Variants in TTN observed in about 807,000 individuals in gnomAD.
TTN encodes the protein connectin.
A neutral mutation model predicts 3,223.0 loss-of-function variants in TTN; 1,525 were observed. That is an observed-to-expected ratio of 0.47 (90% CI 0.45 to 0.49). TTN has a LOEUF of 0.49. Ranked by LOEUF, TTN falls within the 20% of genes least tolerant of loss-of-function variation. The pLI is 0.00. For missense variants in TTN, 40,786 were observed against 43,424.0 expected (o/e 0.94, Z 5.40); for synonymous variants, 14,094 against 15,161.0 (o/e 0.93, Z 5.17).
At chr2:178,797,489 T>C (rs1162791879) in intron 6 of TTN, among the ~76,000 whole-genome samples, 1 of 152,192 alleles carries the variant, frequency 6.6e-6, no homozygotes, top group East Asian at 1.9e-4. Context: ...TGGATGATTT[T>C]TAATGCATTT....
Position 178,728,703 on chromosome 2 carries a change from A to G in TTN, c.19223T>C (p.Val6408Ala). ...CACTTTGAGTTCTGGTGTTCCAGCC[A>G]CAACACATTCCAAGGTCATGGGATC... ...EKDPMTLECV[V>A]AGTPELKVKW... Residue 6408 changes from valine (V) to alanine (A), a missense_variant, in exon 66 of 363, where the codon GTG becomes GCG. By Grantham distance (64) the Val-to-Ala change is moderately conservative. Coordinates refer to ENST00000589042, the MANE Select transcript of TTN (RefSeq NM_001267550.2). 1 of 1,613,204 alleles carries G rather than the reference A, an allele frequency of 6.2e-7. No homozygotes were observed. The highest frequency in any genetic ancestry group is 1.1e-5 in the South Asian group (1 of 91,056).
At chr2:178,652,972 A>G in intron 199 of TTN, 41 bp from the exon 200 acceptor site, 1 of 1,604,084 alleles carries the variant, frequency 6.2e-7, no homozygotes, top group Non-Finnish European at 8.5e-7. Context: ...AAGTTTGAAG[A>G]CCACTAGAAA....
Position 178,537,870 on chromosome 2 carries a change from T to C in TTN, c.99337A>G (p.Lys33113Glu). 6.2e-7 allele frequency: 1 copy of C among 1,613,386 alleles called. No individual in the cohort carries two copies. Residue 33113 changes from lysine (K) to glutamate (E), a missense_variant, in exon 355 of 363, where the codon AAA (lysine) becomes GAA (glutamate). Lys to Glu is a moderately conservative substitution (Grantham distance 56). Transcript: ENST00000589042. ...IRKEMKDVTTKLGEAAQLSCQ... is the reference protein window; with the variant it reads ...IRKEMKDVTTELGEAAQLSCQ... Reference sequence around the variant, plus strand: ...GAGAGTTGAGCAGCTTCACCCAATTTTGTGGTAACATCCTTCATTTCTTTG... The same window carrying C: ...GAGAGTTGAGCAGCTTCACCCAATTCTGTGGTAACATCCTTCATTTCTTTG...
Position 178,564,353 on chromosome 2 carries a change from C to G in TTN, c.81779G>C (p.Ser27260Thr), listed in dbSNP as rs752173731. 1.2e-6 allele frequency: 2 copies of G among 1,613,744 alleles called. No homozygotes were observed. Among genetic ancestry groups the G allele is most frequent in the Admixed American group, 3.3e-5 (2 of 59,992 alleles). Residue 27260 changes from serine (S) to threonine (T), a missense_variant, in exon 326 of 363, where the codon AGT becomes ACT. Coordinates refer to ENST00000589042, the MANE Select transcript of TTN (RefSeq NM_001267550.2). Reference sequence around the variant, plus strand: ...ATCTCTTGCAGTAATGGCACCACTACTATCAGATGGTTCACTAAAGTTTCC... The same window carrying G: ...ATCTCTTGCAGTAATGGCACCACTAGTATCAGATGGTTCACTAAAGTTTCC... ...AAGNFSEPSD[S>T]SGAITARDEI...
intron 168 of TTN, 71 bp downstream of exon 168, chr2:178,664,389 A>C: frequency 8.0e-7 from 1 of 1,245,000 alleles, no homozygotes; most frequent in Non-Finnish European, 1.1e-6. Context: ...AATAATTTTC[A>C]AAACTAGAAA....
At chr2:178,716,910 A>T (rs1388028876) in intron 88 of TTN, among the ~76,000 whole-genome samples, 185 bp downstream of exon 88, 4 of 151,928 alleles carry the variant, frequency 2.6e-5, no homozygotes, top group African/African-American at 9.7e-5. Flanking sequence ...TCCTAGTTTT[A>T]AATTTTTTTT....
In TTN at chr2:178,605,110, G is replaced by T; in HGVS notation, c.54067C>A (p.Arg18023=). 6.2e-7 allele frequency: 1 copy of T among 1,612,572 alleles called. No homozygotes were observed. Among genetic ancestry groups the T allele is most frequent in the Non-Finnish European group, 8.5e-7 (1 of 1,179,148 alleles). ...ALQITKEEVS[R]SEAKTELSIP... ...CTAAGCTCAGTTTTTGCCTCACTTC[G>T]GGATACCTCTTCCTTGGTTATCTGA... The change falls in exon 280 of 363, where the codon CGA becomes AGA. Residue 18023 remains arginine, a synonymous_variant. Transcript: ENST00000589042.
intron 153 of TTN, 42 bp downstream of exon 153, chr2:178,672,593 A>G (rs778712505): frequency 2.5e-6 from 4 of 1,609,674 alleles, no homozygotes; most frequent in Non-Finnish European, 3.4e-6. Flanking sequence ...TCTTAACGAA[A>G]AAAGACAGAA....
intron 47 of TTN, chr2:178,749,287 C>T (rs766649102): frequency 1.1e-5 from 17 of 1,611,564 alleles, no homozygotes; most frequent in Non-Finnish European, 1.4e-5. Flanking sequence ...CTTGGTGCAG[C>T]TTTGATTTTT....
intron 336 of TTN, 138 bp downstream of exon 336, chr2:178,550,829 G>T: frequency 1.3e-6 from 1 of 742,512 alleles, no homozygotes; most frequent in Non-Finnish European, 2.1e-6. Flanking sequence ...TCATCTGAAA[G>T]GTAGAAAGAC....
intron 22 of TTN, chr2:178,779,775 A>G: frequency 1.8e-6 from 1 of 563,956 alleles, no homozygotes; most frequent in East Asian, 3.0e-5. Flanking sequence ...TTAATATATT[A>G]TAAGCCCTAT....
chr2:178,774,269 T>C lies in TTN; in HGVS notation c.6995A>G (p.Asp2332Gly), dbSNP rs749655939. The C allele has an allele frequency of 5.6e-6, 9 of 1,614,150 alleles. No individual in the cohort carries two copies. Among genetic ancestry groups the C allele is most frequent in the African/African-American group, 2.7e-5 (2 of 75,052 alleles). The change falls in exon 30 of 363, where the codon GAC becomes GGC. Residue 2332 changes from aspartate (D) to glycine (G), a missense_variant. By Grantham distance (94) the Asp-to-Gly change is moderately conservative. Transcript: ENST00000589042. ...GATGACAAAGCTGTATTCTCCCTGG[T>C]CCTCCTTGGTTACATCCTTGACCGT... is the stretch of plus-strand genomic sequence containing the variant. ...NLTVKDVTKE[D>G]QGEYSFVIDG...
In TTN at chr2:178,782,200, C is replaced by T. The variant is rs775071824; in HGVS notation, c.3380+12G>A. On this transcript the variant is annotated intron_variant, in intron 20 of 362. Transcript: ENST00000589042. Reference sequence around the variant, plus strand: ...AAGTCACAGAGAACTCTATATTCAGCCATCAAAATACCTGTATCCAGTGGT... The same window carrying T: ...AAGTCACAGAGAACTCTATATTCAGTCATCAAAATACCTGTATCCAGTGGT... The T allele has an allele frequency of 6.2e-7, 1 of 1,613,918 alleles. No individual in the cohort carries two copies. The highest frequency in any genetic ancestry group is 1.1e-5 in the South Asian group (1 of 91,078).
intron 239 of TTN, 90 bp from the exon 240 acceptor site, chr2:178,629,533 C>T: frequency 1.3e-6 from 2 of 1,578,266 alleles, no homozygotes; most frequent in Non-Finnish European, 1.7e-6. Context: ...TTCATGGTTG[C>T]TTTCTTCAAG....
chr2:178,795,293 G>C, intron 6 of TTN, 41 bp from the exon 7 acceptor site: 4 of 1,587,210 alleles, frequency 2.5e-6, no homozygotes, highest in Admixed American at 1.7e-5. Flanking sequence ...TCAAAGCAAG[G>C]AGGGGTAACT....
chr2:178,784,160 G>C lies in TTN; in HGVS notation c.2685C>G (p.Gly895=). The C allele has an allele frequency of 6.2e-7, 1 of 1,614,094 alleles. No individual in the cohort carries two copies. Residue 895 remains glycine, a synonymous_variant, in exon 16 of 363, where the codon GGC becomes GGG. Transcript: ENST00000589042. Reference sequence around the variant, plus strand: ...CCCCTACTTCCTTTTTCACCTCAACGCCAGCTTCACTCTTGTAAGTATCTG... The same window carrying C: ...CCCCTACTTCCTTTTTCACCTCAACCCCAGCTTCACTCTTGTAAGTATCTG... ...DTPDTYKSEA[G]VEVKKEVGVS...
intron 133 of TTN, among the ~76,000 whole-genome samples, chr2:178,683,663 A>C (rs1041348933): frequency 3.3e-5 from 5 of 152,036 alleles, no homozygotes; most frequent in African/African-American, 1.2e-4. Context: ...CAATGTAGAA[A>C]ATTCAGAATT....
At position 178,681,658 on chromosome 2, in the gene TTN, T is replaced by C. The variant is rs2069431645; in HGVS notation, c.33172+3A>G. The C allele has an allele frequency of 1.2e-6, 2 of 1,604,482 alleles. No homozygotes were observed. Among genetic ancestry groups the C allele is most frequent in the African/African-American group, 1.3e-5 (1 of 74,120 alleles). The stretch of plus-strand genomic sequence containing the variant: ...ACAGGTAATAATGTTTTTTTCACTC[T>C]ACCTTTAGCCGGTGGGGCCTTTGGT... On this transcript the variant is annotated splice_donor_region_variant and intron_variant, in intron 136 of 362. Coordinates refer to ENST00000589042, the MANE Select transcript of TTN (RefSeq NM_001267550.2).
In TTN at chr2:178,779,047, G is replaced by A; in HGVS notation, c.4035C>T (p.Gly1345=). The change falls in exon 24 of 363, where the codon GGC becomes GGT. Residue 1345 remains glycine (G), a synonymous_variant. Transcript: ENST00000589042. ...ERYQMDFLQD[G]RASLRIPVVL... ...CAACAGGTATACGCAGACTAGCTCT[G>A]CCATCTTGTAGAAAGTCCATTTGGT... 1 of 1,613,988 alleles carries A rather than the reference G, an allele frequency of 6.2e-7. No individual in the cohort carries two copies. Among genetic ancestry groups the A allele is most frequent in the South Asian group, 1.1e-5 (1 of 91,070 alleles).
Sources: gnomAD v4.1 joint callset for allele counts (sites outside exome capture counted in the v4.1 genomes callset) on GRCh38, gnomAD v4.1.1 for gene constraint, MANE v1.5 for transcripts, NCBI Gene and HGNC (gene_info 2026-07-23, HGNC 2026-07-21) for gene names.